CNOT2: variants seen among roughly 807,000 people sequenced by gnomAD.
CNOT2 encodes the protein CC chemokine receptor 4-negative regulator of transcription 2.
In CNOT2, 7 loss-of-function variants were observed where a neutral mutation model predicts 72.1. The ratio of observed to expected loss-of-function variants is 0.10; its 90% CI spans 0.06 to 0.18. The LOEUF (loss-of-function observed/expected upper bound fraction) is 0.18. Among genes scored for constraint, CNOT2 ranks in the 10% least tolerant of loss-of-function variants. The probability of loss-of-function intolerance (pLI) is 1.00; values close to 1 mark genes in which losing one functional copy is unlikely to be tolerated. For missense variants in CNOT2, 345 were observed against 660.3 expected, an observed-to-expected ratio of 0.52 and a Z score of 5.23; for synonymous variants, 196 against 225.6, an observed-to-expected ratio of 0.87 and a Z score of 1.17.
At chr12:70,316,201 G>GT (rs1335820126) in intron 3 of CNOT2, among the ~76,000 whole-genome samples, 2 of 152,092 alleles carry the variant, frequency 1.3e-5, no homozygotes, top group Non-Finnish European at 2.9e-5. Flanking sequence ...CTTTTTACTT[G>GT]TGCTGCATCC....
chr12:70,304,650 G>A lies in CNOT2; in HGVS notation c.49-6245G>A, dbSNP rs1200359419. On this transcript the variant is annotated intron_variant, in intron 2 of 15. Coordinates refer to ENST00000229195, the MANE Select transcript of CNOT2 (RefSeq NM_014515.7). ...ACCCACTTGTGGAGGCAGTCTGCCC[G>A]TTCTCACATCTCAAGCTGTGTGCTG... Among the ~76,000 whole-genome samples, 9 of 152,362 alleles carry A rather than the reference G, an allele frequency of 5.9e-5. No homozygotes were observed. In the South Asian group the frequency reaches 6.2e-4, roughly 11 times the overall value.
intron 2 of CNOT2, among the ~76,000 whole-genome samples, chr12:70,296,387 T>C (rs1463435612): frequency 6.6e-6 from 1 of 152,162 alleles, no homozygotes; most frequent in East Asian, 1.9e-4. Context: ...ATCTACATGT[T>C]AACTATCTTT....
chr12:70,344,834 C>CT (rs1881962424), intron 14 of CNOT2: 2 of 152,168 alleles, frequency 1.3e-5, no homozygotes, highest in Admixed American at 1.3e-4. Context: ...ATATTCATGA[C>CT]TATGTTTTTT....
intron 1 of CNOT2, among the ~76,000 whole-genome samples, chr12:70,273,148 T>C (rs1190375959): frequency 6.6e-6 from 1 of 152,142 alleles, no homozygotes; most frequent in Non-Finnish European, 1.5e-5. Flanking sequence ...TTTTTCACTT[T>C]TATGGCAAAA....
At position 70,337,999 on chromosome 12, in the gene CNOT2, G is replaced by T. The variant is rs547179845; in HGVS notation, c.901-444G>T. Reference sequence around the variant, plus strand: ...ATTAAAATAATTGATAAAGAAGATCGGTAAGAATTAAAATAAGTACAAAGT... The same window carrying T: ...ATTAAAATAATTGATAAAGAAGATCTGTAAGAATTAAAATAAGTACAAAGT... On this transcript the variant is annotated intron_variant, in intron 9 of 15. Transcript: ENST00000229195. 1.7e-5 allele frequency: 4 copies of T among 237,950 alleles called. No individual in the cohort carries two copies. In the South Asian group the frequency reaches 2.0e-4, roughly 12 times the overall value. The allele number at this position is 237,950 out of a possible 1,614,324, so 14.7% of individuals were successfully genotyped here.
At chr12:70,316,413 A>G (rs1877343076) in intron 3 of CNOT2, among the ~76,000 whole-genome samples, 1 of 152,118 alleles carries the variant, frequency 6.6e-6, no homozygotes, top group Non-Finnish European at 1.5e-5. Context: ...TTCACTGTGT[A>G]TTAAATCCAT....
chr12:70,316,276 T>C (rs927185239), intron 3 of CNOT2, among the ~76,000 whole-genome samples: 14 of 152,352 alleles, frequency 9.2e-5, no homozygotes, highest in African/African-American at 2.9e-4. Context: ...CTTTATATTA[T>C]TAACTTTCAG....
At chr12:70,286,675 A>C (rs1315795412) in intron 2 of CNOT2, among the ~76,000 whole-genome samples, 1 of 149,916 alleles carries the variant, frequency 6.7e-6, no homozygotes, top group African/African-American at 2.4e-5. Flanking sequence ...TCTGTCTGTC[A>C]ACCTTTTTCT....
At chr12:70,328,011 A>G (rs561332973) in intron 4 of CNOT2, among the ~76,000 whole-genome samples, 16 of 152,002 alleles carry the variant, frequency 1.1e-4, no homozygotes, top group African/African-American at 3.9e-4. Context: ...TAGTCACAAA[A>G]CTTACGGTGA....
At chr12:70,281,484 C>G (rs1395994265) in intron 2 of CNOT2, among the ~76,000 whole-genome samples, 1 of 152,200 alleles carries the variant, frequency 6.6e-6, no homozygotes, top group African/African-American at 2.4e-5. Context: ...TCCAATATAT[C>G]TCCTGTTACT....
intron 1 of CNOT2, among the ~76,000 whole-genome samples, chr12:70,272,344 A>G (rs894703590): frequency 1.3e-5 from 2 of 152,164 alleles, no homozygotes; most frequent in African/African-American, 4.8e-5. Context: ...CCTTTCTGAA[A>G]AGAGATAGTC....
chr12:70,268,627 ATTT>A (rs11346962), intron 1 of CNOT2, among the ~76,000 whole-genome samples: 3 of 146,288 alleles, frequency 2.1e-5, no homozygotes, highest in Admixed American at 2.0e-4. Flanking sequence ...TTTAAAAAAA[ATTT>A]TTTTTTTTTT....
chr12:70,245,045 C>T (rs1465600998), intron 1 of CNOT2, among the ~76,000 whole-genome samples: 2 of 152,042 alleles, frequency 1.3e-5, no homozygotes, highest in Non-Finnish European at 2.9e-5. Context: ...TCTTTCCAAA[C>T]GTCAATGAAT....
intron 1 of CNOT2, among the ~76,000 whole-genome samples, chr12:70,256,057 C>T (rs577936483): frequency 1.3e-5 from 2 of 152,216 alleles, no homozygotes; most frequent in South Asian, 4.1e-4. Context: ...ATATCCAAGG[C>T]TGTTTGCTTA....
chr12:70,307,859 A>ACCCTC (rs1285698878), intron 2 of CNOT2: 1 of 150,702 alleles, frequency 6.6e-6, no homozygotes, highest in African/African-American at 2.4e-5. Context: ...TTCGTTTTAT[A>ACCCTC]CCCTCTTTAG....
chr12:70,259,161 A>G (rs1035905494), intron 1 of CNOT2, among the ~76,000 whole-genome samples: 12 of 152,142 alleles, frequency 7.9e-5, no homozygotes, highest in Admixed American at 3.3e-4. Flanking sequence ...AGCCAGTAAG[A>G]TCCAGAGTCA....
intron 4 of CNOT2, chr12:70,327,607 A>G (rs1453521199): frequency 1.3e-5 from 2 of 151,510 alleles, no homozygotes; most frequent in Non-Finnish European, 3.0e-5. Flanking sequence ...ATTGTTTGAC[A>G]TTATCTTGGT....
intron 2 of CNOT2, among the ~76,000 whole-genome samples, chr12:70,295,001 C>G (rs1053543032): frequency 1.1e-4 from 16 of 152,094 alleles, no homozygotes; most frequent in African/African-American, 3.9e-4. Context: ...TTCTCCTTGT[C>G]TGCCTTGCAC....
intron 1 of CNOT2, among the ~76,000 whole-genome samples, chr12:70,248,744 A>G (rs1016860056): frequency 6.6e-6 from 1 of 152,072 alleles, no homozygotes; most frequent in African/African-American, 2.4e-5. Context: ...AATTGCCTGT[A>G]TATGTTCCAG....
Sources: gnomAD v4.1 joint callset for allele counts (sites outside exome capture counted in the v4.1 genomes callset) on GRCh38, gnomAD v4.1.1 for gene constraint, MANE v1.5 for transcripts, NCBI Gene and HGNC (gene_info 2026-07-23, HGNC 2026-07-21) for gene names.